The following MICAL3 variants were observed in gnomAD, a reference collection of about 807,000 sequenced individuals.
MICAL3 encodes the protein microtubule associated monooxygenase, calponin and LIM domain containing 3.
In MICAL3, 62 loss-of-function variants were observed where a neutral mutation model predicts 207.4. That is an observed-to-expected ratio of 0.30 (90% confidence interval 0.24 to 0.37). The LOEUF (loss-of-function observed/expected upper bound fraction) is 0.37. Ranked by LOEUF, MICAL3 falls within the 10% of genes least tolerant of loss-of-function variation. The probability of loss-of-function intolerance (pLI) is 1.00; values close to 1 mark genes in which losing one functional copy is unlikely to be tolerated. For missense variants in MICAL3, 2,368 were observed against 2,635.6 expected (o/e 0.90, Z 2.22); for synonymous variants, 1,077 against 1,069.3 (o/e 1.01, Z -0.14).
chr22:17,798,672 CCTTT>C (rs1366301056), intron 29 of MICAL3, among the ~76,000 whole-genome samples: 6 of 132,316 alleles, frequency 4.5e-5, no homozygotes, highest in Non-Finnish European at 9.2e-5. Flanking sequence ...TGGAGCAATG[CCTTT>C]TTTTTTTTTT....
At chr22:18,008,274 C>A (rs1228822988) in intron 1 of MICAL3, among the ~76,000 whole-genome samples, 1 of 152,086 alleles carries the variant, frequency 6.6e-6, no homozygotes, top group African/African-American at 2.4e-5. Flanking sequence ...GGAGCTCAGT[C>A]CATCCCTTCC....
chr22:17,939,823 C>T (rs903293362), intron 1 of MICAL3, among the ~76,000 whole-genome samples: 22 of 152,162 alleles, frequency 1.4e-4, no homozygotes. Context: ...GCCTACCTAA[C>T]GCCAAAAAGA....
At chr22:17,903,428 C>G (rs1931479753) in intron 3 of MICAL3, among the ~76,000 whole-genome samples, 1 of 152,236 alleles carries the variant, frequency 6.6e-6, no homozygotes, top group South Asian at 2.1e-4. Flanking sequence ...GATCTAGGCC[C>G]TGGTAGAAGA....
chr22:17,836,774 A>G (rs1225894567), intron 20 of MICAL3, among the ~76,000 whole-genome samples: 1 of 151,950 alleles, frequency 6.6e-6, no homozygotes, highest in East Asian at 1.9e-4. Flanking sequence ...CCTCTCGAGC[A>G]GCTGGGACTA....
Position 17,890,062 on chromosome 22 carries a change from C to T in MICAL3, c.1695-832G>A, listed in dbSNP as rs545003467. Among the ~76,000 whole-genome samples, 5 of 152,276 alleles carry T rather than the reference C, an allele frequency of 3.3e-5. No homozygotes were observed. In the South Asian group the frequency reaches 6.2e-4, roughly 19 times the overall value. On this transcript the variant is annotated intron_variant, in intron 12 of 31. Coordinates refer to ENST00000441493, the MANE Select transcript of MICAL3 (RefSeq NM_015241.3). ...TCCTCCTCAAAAAATTTTTCCATTGCTAAGTTTCCTATTTAGATTAATGGC... is the reference window on the plus strand; with the variant it reads ...TCCTCCTCAAAAAATTTTTCCATTGTTAAGTTTCCTATTTAGATTAATGGC...
At chr22:17,947,381 T>A (rs1934124865) in intron 1 of MICAL3, among the ~76,000 whole-genome samples, 1 of 152,238 alleles carries the variant, frequency 6.6e-6, no homozygotes, top group African/African-American at 2.4e-5. Flanking sequence ...CCTCGGTGTC[T>A]GCCTTGCTCC....
chr22:17,839,652 TG>T (rs1192257146), intron 20 of MICAL3: 28 of 151,416 alleles, frequency 1.8e-4, no homozygotes, highest in Non-Finnish European at 3.5e-4. Context: ...CTGCAACCTC[TG>T]CCTTCTGGGT....
intron 1 of MICAL3, among the ~76,000 whole-genome samples, chr22:17,978,383 G>T (rs1569154932): frequency 6.6e-6 from 1 of 152,350 alleles, no homozygotes; most frequent in East Asian, 1.9e-4. Flanking sequence ...TGGCTCAGGA[G>T]AGGGGCTGGA....
chr22:17,832,709 G>A (rs1023886726), intron 20 of MICAL3, among the ~76,000 whole-genome samples: 3 of 152,108 alleles, frequency 2.0e-5, no homozygotes, highest in African/African-American at 7.2e-5. Context: ...ACTGCGGCCT[G>A]TCAGAAGCCT....
chr22:17,856,506 C>T (rs1382347247), intron 19 of MICAL3, among the ~76,000 whole-genome samples: 1 of 152,050 alleles, frequency 6.6e-6, no homozygotes, highest in Non-Finnish European at 1.5e-5. Context: ...TCCCGTGCCT[C>T]TACCAACGCC....
At chr22:17,981,474 T>C (rs941086400) in intron 1 of MICAL3, among the ~76,000 whole-genome samples, 2 of 152,162 alleles carry the variant, frequency 1.3e-5, no homozygotes, top group African/African-American at 4.8e-5. Flanking sequence ...CACAATATAA[T>C]GGTTACAGAC....
rs1389259553 is a variant in MICAL3 at position 17,966,406 on chromosome 22, G to T, written c.-75+57875C>A. 2.0e-5 allele frequency among the ~76,000 whole-genome samples: 3 copies of T among 152,022 alleles called. No homozygotes were observed. The East Asian group carries it at 5.8e-4, about 29-fold the overall frequency. On this transcript the variant is annotated intron_variant, in intron 1 of 31. Transcript: ENST00000441493. ...CTTCACAAAGCCTCCATCTCTTCTCGTCCTTTCTGAGCCCCTCCACCTCCT... is the reference window on the plus strand; with the variant it reads ...CTTCACAAAGCCTCCATCTCTTCTCTTCCTTTCTGAGCCCCTCCACCTCCT...
intron 1 of MICAL3, among the ~76,000 whole-genome samples, chr22:18,003,056 A>T (rs987045152): frequency 6.6e-6 from 1 of 151,572 alleles, no homozygotes; most frequent in African/African-American, 2.4e-5. Flanking sequence ...GCTACTCAGG[A>T]GGCTGAGGCA....
chr22:17,959,168 A>G (rs995123208), intron 1 of MICAL3, among the ~76,000 whole-genome samples: 2 of 150,258 alleles, frequency 1.3e-5, no homozygotes, highest in Non-Finnish European at 3.0e-5. Context: ...GGCGCCCACC[A>G]CCACGCCCGG....
In MICAL3 at chr22:17,810,783, C is replaced by T; in HGVS notation, c.5476G>A (p.Ala1826Thr). Reference sequence around the variant, plus strand: ...TTTTGCACACGCCGGGTCAGCTTGGCATTCAGTTCCTCCTCCGTGTAGGTT... The same window carrying T: ...TTTTGCACACGCCGGGTCAGCTTGGTATTCAGTTCCTCCTCCGTGTAGGTT... ...PRTYTEEELN[A>T]KLTRRVQKAA... The change falls in exon 28 of 32, where the codon GCC becomes ACC. Residue 1826 changes from alanine to threonine, a missense_variant. Ala to Thr is a moderately conservative substitution (Grantham distance 58). This residue lies in a region of MICAL3 where 1,770 missense variants were observed against 1,863.2 expected (regional missense o/e 0.95). Coordinates refer to ENST00000441493, the MANE Select transcript of MICAL3 (RefSeq NM_015241.3). 1 of 1,613,978 alleles carries T rather than the reference C, an allele frequency of 6.2e-7. No individual in the cohort carries two copies. Among genetic ancestry groups the T allele is most frequent in the East Asian group, 2.2e-5 (1 of 44,880 alleles).
At chr22:17,858,849 C>T (rs1292719572) in intron 19 of MICAL3, among the ~76,000 whole-genome samples, 1 of 152,218 alleles carries the variant, frequency 6.6e-6, no homozygotes, top group Non-Finnish European at 1.5e-5. Context: ...GGTCCCCTCC[C>T]CTTTATTACT....
chr22:17,955,621 A>G (rs1179716210), intron 1 of MICAL3, among the ~76,000 whole-genome samples: 1 of 152,178 alleles, frequency 6.6e-6, no homozygotes, highest in Non-Finnish European at 1.5e-5. Context: ...ACCTTCCAAC[A>G]TCCCATAATA....
intron 10 of MICAL3, among the ~76,000 whole-genome samples, chr22:17,894,631 T>C (rs916916391): frequency 5.3e-5 from 8 of 151,532 alleles, no homozygotes; most frequent in African/African-American, 1.5e-4. Context: ...ACCCCATCTC[T>C]ACTAAAAATA....
At position 17,902,145 on chromosome 22, in the gene MICAL3, T is replaced by A. The variant is rs1931376545; in HGVS notation, c.590-166A>T. On this transcript the variant is annotated intron_variant, in intron 4 of 31. Coordinates refer to ENST00000441493, the MANE Select transcript of MICAL3 (RefSeq NM_015241.3). This position sits in a 1 kb window ranked among gnomAD's most constrained non-coding sequence, Gnocchi z 4.5. Reference sequence around the variant, plus strand: ...TGTGCACGGTGGCTCGTGCCTCTAATCCCAGCACTATGCGAGGCAGAGGCT... The same window carrying A: ...TGTGCACGGTGGCTCGTGCCTCTAAACCCAGCACTATGCGAGGCAGAGGCT... Among the ~76,000 whole-genome samples, 1 of 152,188 alleles carries A rather than the reference T, an allele frequency of 6.6e-6. No individual in the cohort carries two copies. Among genetic ancestry groups the A allele is most frequent in the African/African-American group, 2.4e-5 (1 of 41,444 alleles).
Sources: gnomAD v4.1 joint callset for allele counts (sites outside exome capture counted in the v4.1 genomes callset) on GRCh38, gnomAD v4.1.1 for gene constraint, gnomAD v4.1.1 regional missense constraint, Gnocchi (gnomAD v3.1) non-coding constraint, MANE v1.5 for transcripts, NCBI Gene and HGNC (gene_info 2026-07-23, HGNC 2026-07-21) for gene names.